Variants in RARB observed in about 807,000 individuals in gnomAD.
The protein encoded by RARB is retinoic acid receptor beta.
A neutral mutation model predicts 51.9 loss-of-function variants in RARB; 17 were observed. The observed-to-expected ratio is 0.33, with a 90% confidence interval of 0.22 to 0.49. RARB has a LOEUF of 0.49. Among genes scored for constraint, RARB ranks in the 20% least tolerant of loss-of-function variants. The pLI, the probability that RARB is intolerant of heterozygous loss-of-function variation, is 0.99. For missense variants in RARB, 369 were observed against 550.8 expected, an observed-to-expected ratio of 0.67 and a Z score of 3.30; for synonymous variants, 215 against 195.4, an observed-to-expected ratio of 1.10 and a Z score of -0.84.
intron 4 of RARB, among the ~76,000 whole-genome samples, chr3:25,148,398 A>C (rs17517413): frequency 0.08 from 12,202 of 152,318 alleles, 646 homozygotes; most frequent in Non-Finnish European, 0.12. Flanking sequence ...CAACCTTGAT[A>C]TGTTACAAAA....
At chr3:25,596,032 G>A (rs1294331113) in intron 7 of RARB, among the ~76,000 whole-genome samples, 2 of 152,150 alleles carry the variant, frequency 1.3e-5, no homozygotes, top group Non-Finnish European at 2.9e-5. Context: ...ATAATTTTCT[G>A]TTATCAAAAG....
chr3:25,091,773 G>A lies in RARB; in HGVS notation c.-328+31597G>A, dbSNP rs527341146. Among the ~76,000 whole-genome samples, 26 of 152,234 alleles carry A rather than the reference G, an allele frequency of 1.7e-4. 1 individual carries two copies. The South Asian group carries it at 5.2e-3, about 30-fold the overall frequency. The stretch of plus-strand genomic sequence containing the variant: ...AAGACAAAAAATATCTATTGTTGCT[G>A]CCATCCGTCTTCATGTAAAAAGGTT... On this transcript the variant is annotated intron_variant, in intron 3 of 11. Transcript: ENST00000383772.
At chr3:25,343,213 G>A (rs945790969) in intron 5 of RARB, among the ~76,000 whole-genome samples, 2 of 152,070 alleles carry the variant, frequency 1.3e-5, no homozygotes, top group Non-Finnish European at 2.9e-5. Context: ...ACCATCTTCT[G>A]CTCTTCTCTC....
intron 4 of RARB, among the ~76,000 whole-genome samples, chr3:25,172,667 A>C (rs1159372054): frequency 6.6e-6 from 1 of 152,188 alleles, no homozygotes; most frequent in Non-Finnish European, 1.5e-5. Context: ...ACTATAATGT[A>C]GTCTCCCTGC....
chr3:24,847,974 G>A (rs1197178582), intron 1 of RARB, among the ~76,000 whole-genome samples: 1 of 152,182 alleles, frequency 6.6e-6, no homozygotes, highest in Non-Finnish European at 1.5e-5. Context: ...CATTTTAGGG[G>A]CACACTCAAT....
rs537418191 is a variant in RARB at position 25,311,166 on chromosome 3, G to GT, written c.178+136592dup. On this transcript the variant is annotated intron_variant, in intron 5 of 11. Coordinates refer to the RARB transcript ENST00000383772. ...AGCCTTGAAGGACTTTAGATTCTAA[G>GT]TAGGTGGCAGGCATAAAGGAGAGGC... Among the ~76,000 whole-genome samples the GT allele has an allele frequency of 3.0e-4, 45 of 152,328 alleles. 1 individual carries two copies. Among genetic ancestry groups the GT allele is most frequent in the Middle Eastern group, 6.8e-3 (2 of 294 alleles).
chr3:24,855,888 A>G (rs1702627668), intron 1 of RARB, among the ~76,000 whole-genome samples: 1 of 151,468 alleles, frequency 6.6e-6, no homozygotes, highest in Non-Finnish European at 1.5e-5. Flanking sequence ...AGTAGCTGGG[A>G]CTACAGGCCC....
At chr3:25,277,354 G>A (rs1036619292) in intron 5 of RARB, among the ~76,000 whole-genome samples, 2 of 152,142 alleles carry the variant, frequency 1.3e-5, no homozygotes, top group South Asian at 2.1e-4. Context: ...CACTCCAGGA[G>A]CTCCAAAGAA....
At chr3:24,958,259 T>TGTTTTGTTG (rs1294774936) in intron 2 of RARB, among the ~76,000 whole-genome samples, 1 of 75,100 alleles carries the variant, frequency 1.3e-5, no homozygotes, top group Admixed American at 1.2e-4. Context: ...GCTCAGGTTT[T>TGTTTTGTTG]TTTTTTTTTT....
intron 4 of RARB, among the ~76,000 whole-genome samples, chr3:25,147,268 T>C (rs1410891033): frequency 6.6e-6 from 1 of 152,078 alleles, no homozygotes; most frequent in African/African-American, 2.4e-5. Context: ...TTCCCCATCC[T>C]CTCCTTGAAA....
chr3:24,928,887 T>A (rs527940734), intron 2 of RARB, among the ~76,000 whole-genome samples: 2 of 152,160 alleles, frequency 1.3e-5, no homozygotes, highest in East Asian at 3.9e-4. Context: ...TCCTAGAAAT[T>A]GGGTTCGTTT....
intron 2 of RARB, among the ~76,000 whole-genome samples, chr3:25,492,225 AC>A (rs1164901790): frequency 9.8e-5 from 15 of 152,338 alleles, no homozygotes; most frequent in Non-Finnish European, 1.5e-4. Flanking sequence ...CCTATATGAT[AC>A]CTGGTCATTT....
At chr3:25,200,791 A>G (rs1701369179) in intron 5 of RARB, among the ~76,000 whole-genome samples, 1 of 152,160 alleles carries the variant, frequency 6.6e-6, no homozygotes, top group South Asian at 2.1e-4. Flanking sequence ...GTTCTGTTCC[A>G]TTGATCTATA....
At chr3:25,237,502 T>C (rs1702331724) in intron 5 of RARB, among the ~76,000 whole-genome samples, 3 of 152,174 alleles carry the variant, frequency 2.0e-5, no homozygotes, top group Admixed American at 6.5e-5. Flanking sequence ...CAGATAATAT[T>C]TGTTTTTTAA....
intron 5 of RARB, among the ~76,000 whole-genome samples, chr3:25,199,582 C>T (rs1006207951): frequency 8.6e-5 from 13 of 152,004 alleles, no homozygotes; most frequent in Admixed American, 3.9e-4. Flanking sequence ...AGGTATATTT[C>T]CTAATGCTAT....
At chr3:25,163,616 G>A (rs1202754943) in intron 4 of RARB, among the ~76,000 whole-genome samples, 1 of 149,858 alleles carries the variant, frequency 6.7e-6, no homozygotes, top group Non-Finnish European at 1.5e-5. Flanking sequence ...CCACATCAAG[G>A]AACACACAGA....
At chr3:25,128,766 A>T (rs1699899951) in intron 3 of RARB, among the ~76,000 whole-genome samples, 1 of 151,988 alleles carries the variant, frequency 6.6e-6, no homozygotes, top group Non-Finnish European at 1.5e-5. Context: ...ATTCTGGGAG[A>T]GTTTTAGGTT....
At chr3:25,297,518 A>G (rs539486218) in intron 5 of RARB, among the ~76,000 whole-genome samples, 1 of 148,980 alleles carries the variant, frequency 6.7e-6, no homozygotes, top group African/African-American at 2.5e-5. Flanking sequence ...CATTATATGA[A>G]TTCATAAGAA....
intron 2 of RARB, among the ~76,000 whole-genome samples, chr3:24,961,983 G>A (rs1696151963): frequency 8.6e-6 from 1 of 116,054 alleles, no homozygotes. Flanking sequence ...AGGCTAGAGT[G>A]CAATGGCGCT....
Sources: gnomAD v4.1 joint callset for allele counts (sites outside exome capture counted in the v4.1 genomes callset) on GRCh38, gnomAD v4.1.1 for gene constraint, MANE v1.5 for transcripts, NCBI Gene and HGNC (gene_info 2026-07-23, HGNC 2026-07-21) for gene names.